SOX5: variants seen among roughly 807,000 people sequenced by gnomAD.
SOX5 encodes the protein SRY-box transcription factor 5, also known as transcription factor SOX-5.
Under a neutral mutation model 92.0 loss-of-function variants are expected in SOX5, and 9 were observed. The ratio of observed to expected loss-of-function variants is 0.10; its 90% CI spans 0.06 to 0.17. The LOEUF (loss-of-function observed/expected upper bound fraction) is 0.17, where lower values mean the gene tolerates loss of function less well. SOX5 is among the 10% of genes least tolerant of loss of function. SOX5 has a pLI of 1.00. For missense variants in SOX5, 642 were observed against 944.5 expected, an observed-to-expected ratio of 0.68 and a Z score of 4.20; for synonymous variants, 344 against 336.3, an observed-to-expected ratio of 1.02 and a Z score of -0.25.
At chr12:23,538,300 T>C (rs527785687) in intron 13 of SOX5, among the ~76,000 whole-genome samples, 4 of 152,332 alleles carry the variant, frequency 2.6e-5, no homozygotes, top group South Asian at 2.1e-4. Flanking sequence ...GGAAGAGATA[T>C]TGTATTGCAT....
At chr12:24,321,851 A>T (rs1249151012) in intron 2 of SOX5, among the ~76,000 whole-genome samples, 1 of 152,198 alleles carries the variant, frequency 6.6e-6, no homozygotes, top group Non-Finnish European at 1.5e-5. Flanking sequence ...ATGTGAATGA[A>T]CATCAAAGGG....
chr12:24,324,570 A>G (rs1309685518), intron 2 of SOX5, among the ~76,000 whole-genome samples: 1 of 152,020 alleles, frequency 6.6e-6, no homozygotes, highest in Non-Finnish European at 1.5e-5. Context: ...GTTTTAAAAT[A>G]CTTATTTAAA....
chr12:24,296,635 G>A (rs1056962155), intron 2 of SOX5, among the ~76,000 whole-genome samples: 3 of 152,118 alleles, frequency 2.0e-5, no homozygotes, highest in Non-Finnish European at 4.4e-5. Flanking sequence ...CTTTCTCGCT[G>A]AGAATTCTGA....
chr12:23,937,005 G>A (rs372646525), intron 1 of SOX5, among the ~76,000 whole-genome samples: 11 of 150,746 alleles, frequency 7.3e-5, no homozygotes, highest in Non-Finnish European at 1.5e-4. Flanking sequence ...CTCTGAGAGC[G>A]TTTCTTTATA....
At chr12:24,445,457 G>A (rs973064051) in intron 1 of SOX5, among the ~76,000 whole-genome samples, 2 of 151,914 alleles carry the variant, frequency 1.3e-5, no homozygotes, top group Admixed American at 1.3e-4. Context: ...TGGATTATTA[G>A]ACAGATGACT....
At chr12:24,389,791 G>C (rs888386211) in intron 1 of SOX5, among the ~76,000 whole-genome samples, 1 of 152,136 alleles carries the variant, frequency 6.6e-6, no homozygotes, top group Non-Finnish European at 1.5e-5. Context: ...ACATTTGAAG[G>C]AGCTGCCTGA....
At chr12:23,536,197 C>T (rs941962532) in intron 14 of SOX5, among the ~76,000 whole-genome samples, 21 of 152,100 alleles carry the variant, frequency 1.4e-4, no homozygotes, top group African/African-American at 4.6e-4. Flanking sequence ...TAATAGAAAA[C>T]TTCAAAATCA....
At chr12:23,783,965 A>G (rs73075713) in intron 3 of SOX5, among the ~76,000 whole-genome samples, 5,061 of 152,344 alleles carry the variant, frequency 0.033, 126 homozygotes, top group Non-Finnish European at 0.053. Context: ...AAAAACAACA[A>G]CTAAACATTT....
At chr12:24,197,726 A>C (rs1229508289) in intron 4 of SOX5, among the ~76,000 whole-genome samples, 1 of 152,194 alleles carries the variant, frequency 6.6e-6, no homozygotes, top group Non-Finnish European at 1.5e-5. Flanking sequence ...ATTAGCATGA[A>C]GATGTGCCCC....
chr12:23,994,098 G>A (rs1282852482), intron 4 of SOX5, among the ~76,000 whole-genome samples: 1 of 151,766 alleles, frequency 6.6e-6, no homozygotes, highest in East Asian at 1.9e-4. Context: ...ACTCCAGCCT[G>A]GGCAACAGAG....
At chr12:24,374,597 C>G (rs1957066879) in intron 1 of SOX5, among the ~76,000 whole-genome samples, 1 of 152,154 alleles carries the variant, frequency 6.6e-6, no homozygotes, top group Non-Finnish European at 1.5e-5. Flanking sequence ...AAGGGGGAAC[C>G]TCAAGTCCAA....
chr12:24,458,163 T>G (rs796236794), intron 1 of SOX5, among the ~76,000 whole-genome samples: 4 of 152,328 alleles, frequency 2.6e-5, no homozygotes, highest in African/African-American at 9.6e-5. Flanking sequence ...TGTCTGTTTT[T>G]TTAAATTTGT....
chr12:24,312,984 A>G (rs1437234684), intron 2 of SOX5, among the ~76,000 whole-genome samples: 2 of 152,154 alleles, frequency 1.3e-5, no homozygotes, highest in African/African-American at 4.8e-5. Flanking sequence ...TATTTTTGTC[A>G]GCCCCGGTTG....
chr12:24,550,189 A>T (rs1953018643), intron 1 of SOX5, among the ~76,000 whole-genome samples: 1 of 152,224 alleles, frequency 6.6e-6, no homozygotes, highest in Non-Finnish European at 1.5e-5. Context: ...TAAACTGCTT[A>T]GTACAATGTC....
At chr12:24,553,007 G>A (rs1033845903) in intron 1 of SOX5, among the ~76,000 whole-genome samples, 2 of 152,200 alleles carry the variant, frequency 1.3e-5, no homozygotes, top group African/African-American at 4.8e-5. Context: ...ACTCCAGCCT[G>A]GGTAACAGAG....
intron 4 of SOX5, among the ~76,000 whole-genome samples, chr12:24,149,357 T>C (rs942926249): frequency 2.6e-5 from 4 of 151,950 alleles, no homozygotes; most frequent in African/African-American, 9.7e-5. Flanking sequence ...AACTCAATAA[T>C]AAAAAAAGAA....
intron 9 of SOX5, among the ~76,000 whole-genome samples, chr12:23,599,138 G>C (rs1952998370): frequency 6.6e-6 from 1 of 152,204 alleles, no homozygotes; most frequent in African/African-American, 2.4e-5. Context: ...CGGCACTGCT[G>C]ATATTACTAA....
intron 8 of SOX5, among the ~76,000 whole-genome samples, chr12:23,617,515 A>T (rs1242577463): frequency 6.6e-6 from 1 of 152,164 alleles, no homozygotes; most frequent in Non-Finnish European, 1.5e-5. Flanking sequence ...TTCTATTGCA[A>T]ATTCAGTCTT....
chr12:23,987,524 G>A (rs905135239), intron 4 of SOX5, among the ~76,000 whole-genome samples: 1 of 152,182 alleles, frequency 6.6e-6, no homozygotes, highest in Non-Finnish European at 1.5e-5. Context: ...TGGGTGTGGT[G>A]GTTCACCCCT....
Sources: allele counts gnomAD v4.1 joint callset (sites outside exome capture counted in the v4.1 genomes callset), GRCh38; gene constraint gnomAD v4.1.1; transcripts MANE v1.5; gene names NCBI Gene and HGNC (gene_info 2026-07-23, HGNC 2026-07-21).